Variants in PRR5 observed in about 807,000 individuals in gnomAD.
PRR5 encodes the protein proline-rich protein 5.
Under a neutral mutation model 30.6 loss-of-function variants are expected in PRR5, and 25 were observed. The observed-to-expected ratio is 0.82, with a 90% CI of 0.60 to 1.14. The LOEUF (loss-of-function observed/expected upper bound fraction) is 1.14. Among genes scored for constraint, PRR5 ranks in the 50% most tolerant of loss-of-function variants. The probability of loss-of-function intolerance (pLI) is 0.00; values close to 1 mark genes in which losing one functional copy is unlikely to be tolerated. For synonymous variants in PRR5, 286 were observed against 247.1 expected (o/e 1.16, Z -1.48); for missense variants, 600 against 547.1 (o/e 1.10, Z -0.96).
intron 7 of PRR5, among the ~76,000 whole-genome samples, chr22:44,735,580 G>T (rs1444443973): frequency 6.6e-6 from 1 of 152,210 alleles, no homozygotes; most frequent in African/African-American, 2.4e-5. Flanking sequence ...TCCCGGGACT[G>T]CTTGGCGCGT....
intron 4 of PRR5, 70 bp from the exon 5 acceptor site, chr22:44,731,660 C>T (rs1228369142): frequency 6.7e-7 from 1 of 1,502,328 alleles, no homozygotes; most frequent in Admixed American, 1.7e-5. Flanking sequence ...CTCTGATGAC[C>T]CATCCTGGGT....
chr22:44,727,451 G>A (rs1921049068), intron 4 of PRR5, among the ~76,000 whole-genome samples: 2 of 152,234 alleles, frequency 1.3e-5, no homozygotes, highest in African/African-American at 2.4e-5. Flanking sequence ...GGCACCGGGT[G>A]TGTGCGTCCC....
chr22:44,688,972 A>G (rs1392034871), intron 1 of PRR5, among the ~76,000 whole-genome samples: 3 of 152,144 alleles, frequency 2.0e-5, no homozygotes, highest in Admixed American at 1.3e-4. Flanking sequence ...ATTACATCTT[A>G]TATCTTATGT....
chr22:44,722,482 CA>C (rs1467352449), intron 2 of PRR5, among the ~76,000 whole-genome samples: 1 of 152,250 alleles, frequency 6.6e-6, no homozygotes, highest in Non-Finnish European at 1.5e-5. Flanking sequence ...TCCATCCCAG[CA>C]CCTGAGTGCC....
At chr22:44,735,638 C>G (rs1221014586) in intron 7 of PRR5, among the ~76,000 whole-genome samples, 1 of 152,174 alleles carries the variant, frequency 6.6e-6, no homozygotes, top group Non-Finnish European at 1.5e-5. Context: ...CCTCTGGGTT[C>G]CTTCAGCAAT....
chr22:44,737,135 T>C lies in PRR5; in HGVS notation c.1055T>C (p.Ile352Thr). The C allele has an allele frequency of 6.2e-7, 1 of 1,612,582 alleles. No homozygotes were observed. Among genetic ancestry groups the C allele is most frequent in the Non-Finnish European group, 8.5e-7 (1 of 1,179,990 alleles). ...AGCCCGGAGAACCTGGTGGACCAGA[T>C]CCTGGAGTCCGTGGACTCGGATTCT... is the stretch of plus-strand genomic sequence containing the variant. Reference protein sequence around the residue: ...RSSPENLVDQILESVDSDSEG... With the variant: ...RSSPENLVDQTLESVDSDSEG... Residue 352 changes from isoleucine (I) to threonine (T), a missense_variant, in exon 8 of 8, where the codon ATC becomes ACC. Transcript: ENST00000336985.
At chr22:44,698,885 C>T (rs1201518593), upstream of PRR5, among the ~76,000 whole-genome samples, 1 of 152,210 alleles carries the variant, frequency 6.6e-6, no homozygotes, top group African/African-American at 2.4e-5. Context: ...TTTGTGACAG[C>T]TCTGTCCCCT....
In PRR5 at chr22:44,702,284, CG is replaced by C; in HGVS notation, c.-187del. The stretch of plus-strand genomic sequence containing the variant: ...CCTCTCCGTGCAATGATTAACCCGG[CG>C]GGGCGGCCGGCGCGGGACCCGAGAC... On this transcript the variant is annotated 5_prime_UTR_variant, in exon 1 of 8. The change abolishes the stop of an existing upstream ORF in the 5' untranslated region. Transcript: ENST00000336985. 1 of 1,145,300 alleles carries C rather than the reference CG, an allele frequency of 8.7e-7. No individual in the cohort carries two copies. Among genetic ancestry groups the C allele is most frequent in the Non-Finnish European group, 1.1e-6 (1 of 929,468 alleles). 70.9% of individuals were successfully genotyped at this position (1,145,300 alleles called of 1,614,324 possible). A position where few individuals can be genotyped will look rare whatever the true frequency, so the allele number is the denominator to read the frequency against.
chr22:44,710,753 G>A (rs1014337893), intron 1 of PRR5, among the ~76,000 whole-genome samples: 1 of 152,180 alleles, frequency 6.6e-6, no homozygotes, highest in African/African-American at 2.4e-5. Context: ...GTGTGCCTCT[G>A]TGTCTTCTGT....
chr22:44,705,651 A>C (rs924447400), intron 1 of PRR5, among the ~76,000 whole-genome samples: 1 of 146,688 alleles, frequency 6.8e-6, no homozygotes, highest in Non-Finnish European at 1.5e-5. Context: ...TTGAGACGGA[A>C]TCTTGCTCTG....
At chr22:44,732,802 A>G (rs1011205699) in intron 6 of PRR5, among the ~76,000 whole-genome samples, 2 of 139,052 alleles carry the variant, frequency 1.4e-5, no homozygotes, top group Non-Finnish European at 3.1e-5. Context: ...ACATGTGCAC[A>G]CGCATACACA....
chr22:44,708,844 G>A (rs1315506626), intron 1 of PRR5, among the ~76,000 whole-genome samples: 4 of 151,890 alleles, frequency 2.6e-5, no homozygotes, highest in African/African-American at 4.8e-5. Flanking sequence ...GTGGGCGCCT[G>A]TAGTCCTAGC....
At chr22:44,677,907 C>T (rs910826894) in intron 1 of PRR5, among the ~76,000 whole-genome samples, 4 of 152,238 alleles carry the variant, frequency 2.6e-5, no homozygotes, top group African/African-American at 9.6e-5. Flanking sequence ...CACGGATCAT[C>T]CTTTGCACCG....
At chr22:44,736,731 C>T (rs1923331600) in intron 7 of PRR5, 41 bp from the exon 8 acceptor site, 3 of 1,515,832 alleles carry the variant, frequency 2.0e-6, no homozygotes, top group Non-Finnish European at 1.8e-6. Context: ...GGCGGGGACC[C>T]AGGTGGCCTC....
Position 44,717,189 on chromosome 22 carries a change from C to CTTTTT in PRR5, c.215+2533_215+2537dup, listed in dbSNP as rs57193514. 1.5e-4 allele frequency among the ~76,000 whole-genome samples: 17 copies of CTTTTT among 116,748 alleles called. 1 individual carries two copies. Among genetic ancestry groups the CTTTTT allele is most frequent in the South Asian group, 2.9e-4 (1 of 3,438 alleles). 76.6% of individuals were successfully genotyped at this position (116,748 alleles called of 152,430 possible). On this transcript the variant is annotated intron_variant, in intron 2 of 7. Transcript: ENST00000336985. Reference sequence around the variant, plus strand: ...CAGCCTCCAAATGGTCCCCCTTACCCTTTTTTTTTTTTTTTTTTTGAGACG... The same window carrying CTTTTT: ...CAGCCTCCAAATGGTCCCCCTTACCCTTTTTTTTTTTTTTTTTTTTTTTTGAGACG...
At chr22:44,707,967 G>A (rs1365960750) in intron 1 of PRR5, among the ~76,000 whole-genome samples, 2 of 152,082 alleles carry the variant, frequency 1.3e-5, no homozygotes, top group African/African-American at 2.4e-5. Flanking sequence ...GTGCAGGGCC[G>A]GCGATGATTC....
At chr22:44,718,623 C>T (rs1480261463) in intron 2 of PRR5, among the ~76,000 whole-genome samples, 1 of 137,150 alleles carries the variant, frequency 7.3e-6, no homozygotes, top group African/African-American at 2.7e-5. Flanking sequence ...CACTTAGCAG[C>T]GTATAAGCAG....
intron 1 of PRR5, among the ~76,000 whole-genome samples, chr22:44,712,203 A>C (rs1928349460): frequency 6.6e-6 from 1 of 152,280 alleles, no homozygotes; most frequent in Admixed American, 6.5e-5. Flanking sequence ...CCGTGTCCCC[A>C]GACACGGGAC....
intron 4 of PRR5, chr22:44,729,183 C>A: frequency 3.5e-6 from 2 of 567,286 alleles, no homozygotes; most frequent in Non-Finnish European, 4.5e-6. Context: ...GCCTCCATGC[C>A]TGTGCCTCGG....
Sources: gnomAD v4.1 joint callset for allele counts (sites outside exome capture counted in the v4.1 genomes callset) on GRCh38, gnomAD v4.1.1 for gene constraint, MANE v1.5 for transcripts, NCBI Gene and HGNC (gene_info 2026-07-23, HGNC 2026-07-21) for gene names.